The following RSRC1 variants were observed in gnomAD, a reference collection of about 807,000 sequenced individuals.
The protein encoded by RSRC1 is arginine and serine rich coiled-coil 1.
RSRC1 carries 39 observed loss-of-function variants against 49.1 expected under a neutral mutation model. That is an observed-to-expected ratio of 0.79 (90% CI 0.61 to 1.04). The LOEUF is 1.04. Ranked by LOEUF, RSRC1 falls within the 50% of genes least tolerant of loss-of-function variation. The pLI is 0.00. For missense variants in RSRC1, 388 were observed against 402.4 expected (o/e 0.96, Z 0.31); for synonymous variants, 143 against 130.8 (o/e 1.09, Z -0.63).
chr3:158,260,578 C>G (rs2108033950), intron 4 of RSRC1, among the ~76,000 whole-genome samples: 1 of 152,258 alleles, frequency 6.6e-6, no homozygotes, highest in African/African-American at 2.4e-5. Context: ...TGTGTCTCAC[C>G]AGGTTGCGCG....
intron 5 of RSRC1, among the ~76,000 whole-genome samples, chr3:158,314,544 C>G (rs1728313632): frequency 6.6e-6 from 1 of 151,904 alleles, no homozygotes; most frequent in African/African-American, 2.4e-5. Context: ...TCAAGTAGTC[C>G]TCTGACTAGC....
At chr3:158,274,167 T>TC (rs1725675974) in intron 4 of RSRC1, among the ~76,000 whole-genome samples, 1 of 152,146 alleles carries the variant, frequency 6.6e-6, no homozygotes, top group South Asian at 2.1e-4. Flanking sequence ...AAACAGTGTT[T>TC]TTAATGTTTA....
chr3:158,280,487 TC>T (rs1276295336), intron 4 of RSRC1, among the ~76,000 whole-genome samples: 3 of 152,116 alleles, frequency 2.0e-5, no homozygotes, highest in African/African-American at 7.2e-5. Context: ...TATCCATAAT[TC>T]CTATCACAGA....
intron 4 of RSRC1, among the ~76,000 whole-genome samples, chr3:158,242,381 C>T (rs1723645707): frequency 6.6e-6 from 1 of 152,078 alleles, no homozygotes; most frequent in Admixed American, 6.6e-5. Context: ...AGGACATGAT[C>T]TTGTTCCTTT....
At chr3:158,511,236 C>G (rs1740154675) in intron 7 of RSRC1, among the ~76,000 whole-genome samples, 2 of 152,070 alleles carry the variant, frequency 1.3e-5, no homozygotes, top group Admixed American at 1.3e-4. Context: ...AGGTATATCT[C>G]CCAATGCTAT....
intron 6 of RSRC1, among the ~76,000 whole-genome samples, chr3:158,395,249 G>C (rs1013451374): frequency 2.0e-5 from 3 of 151,820 alleles, no homozygotes; most frequent in African/African-American, 4.8e-5. Flanking sequence ...CCTAGGAAAT[G>C]TCATCCTTGA....
intron 7 of RSRC1, among the ~76,000 whole-genome samples, chr3:158,484,609 A>G (rs1738746080): frequency 1.3e-5 from 2 of 152,118 alleles, no homozygotes; most frequent in African/African-American, 4.8e-5. Flanking sequence ...ATTTGCATGC[A>G]GTTCTCTGGC....
In RSRC1 at chr3:158,217,256, G is replaced by A. The variant is rs375199749; in HGVS notation, c.494+14011G>A. Among the ~76,000 whole-genome samples the A allele has an allele frequency of 2.0e-5, 3 of 151,794 alleles. No homozygotes were observed. In the East Asian group the frequency reaches 5.8e-4, roughly 30 times the overall value. On this transcript the variant is annotated intron_variant, in intron 4 of 9. Coordinates refer to ENST00000611884, the MANE Select transcript of RSRC1 (RefSeq NM_001271838.2). The stretch of plus-strand genomic sequence containing the variant: ...GAGAATCCTCTTCTCCAAAGAGTCC[G>A]TGATATGTTACTGTAGTAGATGTAG...
intron 7 of RSRC1, among the ~76,000 whole-genome samples, chr3:158,470,423 T>G (rs772820224): frequency 1.3e-5 from 2 of 151,560 alleles, no homozygotes; most frequent in Non-Finnish European, 2.9e-5. Flanking sequence ...AAAGTGTATA[T>G]AAGTTTATTT....
At chr3:158,392,511 A>G (rs1487838681) in intron 6 of RSRC1, among the ~76,000 whole-genome samples, 1 of 152,060 alleles carries the variant, frequency 6.6e-6, no homozygotes, top group East Asian at 1.9e-4. Flanking sequence ...ATTTTTTCCA[A>G]GACTGACACA....
chr3:158,438,418 A>G (rs894885866), intron 6 of RSRC1, among the ~76,000 whole-genome samples: 3 of 152,190 alleles, frequency 2.0e-5, no homozygotes, highest in African/African-American at 7.2e-5. Context: ...ACTTCAAACT[A>G]TAATACAAGG....
At chr3:158,224,690 C>A (rs73875326) in intron 4 of RSRC1, among the ~76,000 whole-genome samples, 11,615 of 151,820 alleles carry the variant, frequency 0.077, 539 homozygotes, top group South Asian at 0.13. Flanking sequence ...CTCCACTTTA[C>A]ATTGGATTAA....
At chr3:158,521,877 T>A (rs566617079) in intron 7 of RSRC1, among the ~76,000 whole-genome samples, 1 of 152,240 alleles carries the variant, frequency 6.6e-6, no homozygotes. Flanking sequence ...TTGTTTATGC[T>A]ATGCTTCCTA....
chr3:158,261,269 C>T lies in RSRC1; in HGVS notation c.495-36770C>T, dbSNP rs117647877. On this transcript the variant is annotated intron_variant, in intron 4 of 9. Coordinates refer to ENST00000611884, the MANE Select transcript of RSRC1 (RefSeq NM_001271838.2). ...TAATTATTCCACATCCTCAGCAAAA[C>T]TGTGCGTGGTCAGTCTTTTTAATTT... Among the ~76,000 whole-genome samples the T allele has an allele frequency of 2.8e-4, 42 of 152,304 alleles. No homozygotes were observed. The East Asian group carries it at 7.1e-3, about 26-fold the overall frequency.
At chr3:158,273,057 T>C (rs1216742723) in intron 4 of RSRC1, among the ~76,000 whole-genome samples, 1 of 152,062 alleles carries the variant, frequency 6.6e-6, no homozygotes, top group Non-Finnish European at 1.5e-5. Context: ...TGTGTTTTTA[T>C]CTTCTGATAT....
chr3:158,190,177 T>C (rs531023514), intron 3 of RSRC1, among the ~76,000 whole-genome samples: 1 of 152,128 alleles, frequency 6.6e-6, no homozygotes, highest in South Asian at 2.1e-4. Context: ...ATATTCTTTT[T>C]CCTTTATTTT....
At chr3:158,171,787 C>G (rs1718895927) in intron 3 of RSRC1, among the ~76,000 whole-genome samples, 1 of 151,716 alleles carries the variant, frequency 6.6e-6, no homozygotes, top group Non-Finnish European at 1.5e-5. Flanking sequence ...CTGTATCTAC[C>G]AAAAATAAAA....
intron 6 of RSRC1, among the ~76,000 whole-genome samples, chr3:158,387,045 A>G (rs1257264176): frequency 6.6e-6 from 1 of 152,050 alleles, no homozygotes; most frequent in Admixed American, 6.6e-5. Flanking sequence ...TCACATGTGA[A>G]ATTACATTTC....
chr3:158,321,283 TCC>T (rs1728742501), intron 5 of RSRC1, among the ~76,000 whole-genome samples: 1 of 24,456 alleles, frequency 4.1e-5, no homozygotes, highest in African/African-American at 1.6e-4. Flanking sequence ...CTCTTCCTCT[TCC>T]TCCTCCTCCT....
Sources: allele counts gnomAD v4.1 joint callset (sites outside exome capture counted in the v4.1 genomes callset), GRCh38; gene constraint gnomAD v4.1.1; transcripts MANE v1.5; gene names NCBI Gene and HGNC (gene_info 2026-07-23, HGNC 2026-07-21).